ZNF480: variants seen among roughly 807,000 people sequenced by gnomAD.
The protein encoded by ZNF480 is zinc finger protein 480.
ZNF480 carries 15 observed loss-of-function variants against 14.4 expected under a neutral mutation model. The observed-to-expected ratio is 1.04, with a 90% CI of 0.70 to 1.60. The LOEUF (loss-of-function observed/expected upper bound fraction) is 1.60, where lower values mean the gene tolerates loss of function less well. Ranked by LOEUF, ZNF480 falls within the 40% of genes most tolerant of loss-of-function variation. ZNF480 has a pLI of 0.00. For synonymous variants in ZNF480, 218 were observed against 215.5 expected (o/e 1.01, Z -0.10); for missense variants, 593 against 629.7 (o/e 0.94, Z 0.62).
intron 2 of ZNF480, among the ~76,000 whole-genome samples, chr19:52,305,122 G>C (rs1982868812): frequency 6.6e-6 from 1 of 151,950 alleles, no homozygotes; most frequent in Non-Finnish European, 1.5e-5. Flanking sequence ...ACAAAAAACA[G>C]AAGTTACAAT....
intron 4 of ZNF480, 148 bp from the exon 5 acceptor site, chr19:52,321,431 A>T: frequency 1.5e-6 from 1 of 677,952 alleles, no homozygotes. Flanking sequence ...ACCCTTTTCT[A>T]TTTTCAGCAC....
At chr19:52,300,834 G>C (rs1333412428) in intron 2 of ZNF480, 1 of 285,286 alleles carries the variant, frequency 3.5e-6, no homozygotes, top group Non-Finnish European at 6.6e-6. Flanking sequence ...ATTCCTTATG[G>C]GAAACAAAAC....
chr19:52,302,870 A>G (rs1982762181), intron 2 of ZNF480, among the ~76,000 whole-genome samples: 1 of 152,208 alleles, frequency 6.6e-6, no homozygotes, highest in African/African-American at 2.4e-5. Context: ...AGTGTCTGGC[A>G]TTAGATATTG....
intron 2 of ZNF480, among the ~76,000 whole-genome samples, chr19:52,312,212 T>C (rs763773953): frequency 6.6e-6 from 1 of 151,896 alleles, no homozygotes; most frequent in Non-Finnish European, 1.5e-5. Flanking sequence ...TGGCGCGATA[T>C]TGGCTCACTG....
At chr19:52,320,789 C>G (rs566370868) in intron 4 of ZNF480, among the ~76,000 whole-genome samples, 16 of 152,132 alleles carry the variant, frequency 1.1e-4, no homozygotes, top group Admixed American at 4.6e-4. Flanking sequence ...AAAACTCCAT[C>G]TTAAAAACAA....
At position 52,321,647 on chromosome 19, in the gene ZNF480, C is replaced by G; in HGVS notation, c.397C>G (p.His133Asp). ...TAAAAAACAACTTGGAGTATCCTTT[C>G]ACTTACATCTGTCTGAACTGGAGCT... is the stretch of plus-strand genomic sequence containing the variant. ...PIKKQLGVSF[H>D]LHLSELELFP... Residue 133 changes from histidine to aspartate, a missense_variant, in exon 5 of 5, where the codon CAC becomes GAC. Coordinates refer to ENST00000595962, the MANE Select transcript of ZNF480 (RefSeq NM_144684.4). The G allele has an allele frequency of 6.2e-7, 1 of 1,613,062 alleles. No homozygotes were observed. The highest frequency in any genetic ancestry group is 8.5e-7 in the Non-Finnish European group (1 of 1,179,386).
intron 2 of ZNF480, among the ~76,000 whole-genome samples, chr19:52,313,105 G>A (rs1395681626): frequency 1.3e-5 from 2 of 150,924 alleles, no homozygotes; most frequent in Non-Finnish European, 2.9e-5. Flanking sequence ...ACAGGCGTGA[G>A]CCACCGCGCC....
In ZNF480 at chr19:52,319,831, T is replaced by G. The variant is rs1025060016; in HGVS notation, c.329-1748T>G. On this transcript the variant is annotated intron_variant, in intron 4 of 4. Coordinates refer to ENST00000595962, the MANE Select transcript of ZNF480 (RefSeq NM_144684.4). The stretch of plus-strand genomic sequence containing the variant: ...ACTGTGTTTTTTTTTTTTTTTTTTT[T>G]TTTTAAATTAGAGTCTTGCTCTGTA... 1.9e-4 allele frequency among the ~76,000 whole-genome samples: 29 copies of G among 151,050 alleles called. No homozygotes were observed. The South Asian group carries it at 5.9e-3, about 31-fold the overall frequency.
chr19:52,316,755 G>C (rs554631209), intron 4 of ZNF480, among the ~76,000 whole-genome samples: 2 of 152,168 alleles, frequency 1.3e-5, no homozygotes, highest in East Asian at 1.9e-4. Context: ...TTGTCTGTTT[G>C]TGTGAATTTC....
rs1429859114 is a variant in ZNF480, at chr19:52,314,298, C to T, written c.199+19C>T. The T allele has an allele frequency of 2.0e-6, 3 of 1,507,358 alleles. No individual in the cohort carries two copies. Among genetic ancestry groups the T allele is most frequent in the African/African-American group, 1.4e-5 (1 of 70,898 alleles). 93.4% of individuals were successfully genotyped at this position (1,507,358 alleles called of 1,614,324 possible). A position where few individuals can be genotyped will look rare whatever the true frequency, so the allele number is the denominator to read the frequency against. ...TCCCTGGGTGAGGATCATGCCCCTG[C>T]AGAAGCCGGGATCTGCCCTTGGTTA... On this transcript the variant is annotated intron_variant, in intron 3 of 4. Coordinates refer to ENST00000595962, the MANE Select transcript of ZNF480 (RefSeq NM_144684.4).
At chr19:52,320,421 G>A (rs1171898985) in intron 4 of ZNF480, among the ~76,000 whole-genome samples, 3 of 152,196 alleles carry the variant, frequency 2.0e-5, no homozygotes, top group Non-Finnish European at 4.4e-5. Flanking sequence ...GGGAGGCCAA[G>A]GCAGGAGGAT....
chr19:52,304,955 C>T (rs982991009), intron 2 of ZNF480, among the ~76,000 whole-genome samples: 3 of 151,804 alleles, frequency 2.0e-5, no homozygotes, highest in Admixed American at 6.6e-5. Context: ...AAAAATTAGC[C>T]GGGCATGGTG....
chr19:52,304,820 T>C (rs1446716050), intron 2 of ZNF480, among the ~76,000 whole-genome samples: 1 of 152,072 alleles, frequency 6.6e-6, no homozygotes, highest in Admixed American at 6.6e-5. Context: ...ATTGGTTGGC[T>C]GGGTGTGGTG....
chr19:52,316,269 C>G (rs758458494), intron 4 of ZNF480, among the ~76,000 whole-genome samples: 33 of 146,120 alleles, frequency 2.3e-4, no homozygotes, highest in Admixed American at 1.8e-3. Flanking sequence ...CTCTATTGCC[C>G]GGGCTGAAGT....
chr19:52,319,811 GTTTTTTT>G (rs56151161), intron 4 of ZNF480, among the ~76,000 whole-genome samples: 1 of 96,900 alleles, frequency 1.0e-5, no homozygotes, highest in Non-Finnish European at 2.2e-5. Context: ...CTGATACTGT[GTTTTTTT>G]TTTTTTTTTT....
rs141042242 is a variant in ZNF480 at position 52,312,925 on chromosome 19, A to G, written c.73-1228A>G. On this transcript the variant is annotated intron_variant, in intron 2 of 4. Transcript: ENST00000595962. ...AGCTTCTGCCTCCTGGGTTTAAGCAATTCTCTTGCCTCAGCCTCCTGAGTA... is the reference window on the plus strand; with the variant it reads ...AGCTTCTGCCTCCTGGGTTTAAGCAGTTCTCTTGCCTCAGCCTCCTGAGTA... 1.7e-3 allele frequency among the ~76,000 whole-genome samples: 265 copies of G among 151,958 alleles called. 1 individual carries two copies. Among genetic ancestry groups the G allele is most frequent in the Non-Finnish European group, 3.3e-3 (224 of 67,980 alleles).
At chr19:52,304,279 G>T (rs10404701) in intron 2 of ZNF480, among the ~76,000 whole-genome samples, 7 of 152,008 alleles carry the variant, frequency 4.6e-5, no homozygotes, top group Non-Finnish European at 7.4e-5. Context: ...ACTATTAAAG[G>T]CCAATTTTTT....
At chr19:52,303,173 C>T (rs1003415189) in intron 2 of ZNF480, among the ~76,000 whole-genome samples, 3 of 152,126 alleles carry the variant, frequency 2.0e-5, no homozygotes, top group African/African-American at 4.8e-5. Flanking sequence ...AAGTATAGGG[C>T]GTGTGGAAGA....
chr19:52,303,982 T>A (rs1982812285), intron 2 of ZNF480, among the ~76,000 whole-genome samples: 1 of 152,192 alleles, frequency 6.6e-6, no homozygotes, highest in Non-Finnish European at 1.5e-5. Context: ...TCGAATTTTT[T>A]AAGTGATCAT....
Sources: gnomAD v4.1 joint callset for allele counts (sites outside exome capture counted in the v4.1 genomes callset) on GRCh38, gnomAD v4.1.1 for gene constraint, MANE v1.5 for transcripts, NCBI Gene and HGNC (gene_info 2026-07-23, HGNC 2026-07-21) for gene names.